Variants in GSDME observed in about 807,000 individuals in gnomAD.
GSDME encodes gasdermin-E.
Under a neutral mutation model 47.5 loss-of-function variants are expected in GSDME, and 44 were observed. That is an observed-to-expected ratio of 0.93 (90% CI 0.73 to 1.19). The LOEUF (loss-of-function observed/expected upper bound fraction) is 1.19, where lower values mean the gene tolerates loss of function less well. GSDME is among the 50% of genes most tolerant of loss of function. GSDME has a pLI of 0.00. For synonymous variants in GSDME, 258 were observed against 252.8 expected (o/e 1.02, Z -0.20); for missense variants, 663 against 604.2 (o/e 1.10, Z -1.02).
chr7:24,727,076 G>C (rs1178443637), intron 3 of GSDME, among the ~76,000 whole-genome samples: 2 of 152,206 alleles, frequency 1.3e-5, no homozygotes, highest in African/African-American at 4.8e-5. Context: ...CTGAGTGTGG[G>C]CTGGAAGACA....
At chr7:24,706,859 G>C (rs1273518596) in intron 7 of GSDME, among the ~76,000 whole-genome samples, 1 of 140,802 alleles carries the variant, frequency 7.1e-6, no homozygotes, top group East Asian at 1.9e-4. Flanking sequence ...CGCCAATTCT[G>C]CACCACCCAC....
rs939176929 is a variant in GSDME, at chr7:24,757,453, G to A, written c.-77C>T. 1 of 151,846 alleles carries A rather than the reference G, an allele frequency of 6.6e-6. No individual in the cohort carries two copies. 9.4% of individuals were successfully genotyped at this position (151,846 alleles called of 1,614,324 possible). A position where few individuals can be genotyped will look rare whatever the true frequency, so the allele number is the denominator to read the frequency against. On this transcript the variant is annotated 5_prime_UTR_variant, in exon 1 of 10. Coordinates refer to ENST00000645220, the MANE Select transcript of GSDME (RefSeq NM_001127453.2). The surrounding 1 kb of genome is among the most constrained non-coding windows in gnomAD (Gnocchi z 5.9). ...CGCCCCCTGCGCTGGCGGAGTCGGA[G>A]GAGCCTGCGCTGGGCCGGCGGGGGG...
chr7:24,719,321 C>G, intron 3 of GSDME, 103 bp from the exon 4 acceptor site: 2 of 1,254,720 alleles, frequency 1.6e-6, no homozygotes, highest in South Asian at 1.2e-5. Context: ...GAGCAGGTGA[C>G]AGCCAGGCTT....
In GSDME at chr7:24,737,522, A is replaced by T. The variant is rs192860743; in HGVS notation, c.404+7040T>A. 5.3e-5 allele frequency among the ~76,000 whole-genome samples: 8 copies of T among 152,234 alleles called. No individual in the cohort carries two copies. The East Asian group carries it at 1.5e-3, about 29-fold the overall frequency. ...CCAAAATAAAGTCTCCCAGAAAAGA[A>T]AAGCCAACAAAAACCTGATGGCTTC... On this transcript the variant is annotated intron_variant, in intron 3 of 9. Transcript: ENST00000645220.
Position 24,725,771 on chromosome 7 carries a change from G to A in GSDME, c.405-6553C>T, listed in dbSNP as rs1789945393. Among the ~76,000 whole-genome samples, 1 of 152,052 alleles carries A rather than the reference G, an allele frequency of 6.6e-6. No homozygotes were observed. Among genetic ancestry groups the A allele is most frequent in the African/African-American group, 2.4e-5 (1 of 41,394 alleles). Reference sequence around the variant, plus strand: ...TTAACGACCAGGCCCAGGGTGTGACGCCGGGCTGTCTGCTTGTGGATTTCA... The same window carrying A: ...TTAACGACCAGGCCCAGGGTGTGACACCGGGCTGTCTGCTTGTGGATTTCA... On this transcript the variant is annotated intron_variant, in intron 3 of 9. Coordinates refer to ENST00000645220, the MANE Select transcript of GSDME (RefSeq NM_001127453.2). The surrounding 1 kb of genome is among the most constrained non-coding windows in gnomAD (Gnocchi z 5.1).
In GSDME at chr7:24,728,793, C is replaced by T. The variant is rs2128057374; in HGVS notation, c.405-9575G>A. Among the ~76,000 whole-genome samples, 1 of 152,354 alleles carries T rather than the reference C, an allele frequency of 6.6e-6. No homozygotes were observed. Among genetic ancestry groups the T allele is most frequent in the South Asian group, 2.1e-4 (1 of 4,828 alleles). The stretch of plus-strand genomic sequence containing the variant: ...CACATCAGAGATGCTCAGCCCACAG[C>T]CGGGGGCAGGAAATCTCTAGAAACC... On this transcript the variant is annotated intron_variant, in intron 3 of 9. Coordinates refer to ENST00000645220, the MANE Select transcript of GSDME (RefSeq NM_001127453.2). The surrounding 1 kb of genome is among the most constrained non-coding windows in gnomAD (Gnocchi z 7.2).
At chr7:24,719,023 G>C (rs764515710) in intron 4 of GSDME, 24 bp downstream of exon 4, 3 of 1,610,866 alleles carry the variant, frequency 1.9e-6, no homozygotes, top group Non-Finnish European at 8.5e-7. Context: ...AGCCATGAAC[G>C]CAGGGCAGCC....
chr7:24,753,800 C>A (rs962450820), intron 1 of GSDME, among the ~76,000 whole-genome samples: 1 of 152,118 alleles, frequency 6.6e-6, no homozygotes, highest in African/African-American at 2.4e-5. Context: ...TCTATTCTTG[C>A]TTTTTTTGGC....
At chr7:24,780,560 C>T in the GSDME span, among the ~76,000 whole-genome samples, 7 of 152,206 alleles carry the variant, frequency 4.6e-5, no homozygotes, top group East Asian at 3.8e-4. This position sits in a 1 kb window ranked among gnomAD's most constrained non-coding sequence, Gnocchi z 4.1. Flanking sequence ...TGGATAGCTT[C>T]GTGGCCTTGC....
chr7:24,740,012 G>A (rs1379889543), intron 3 of GSDME, among the ~76,000 whole-genome samples: 2 of 151,830 alleles, frequency 1.3e-5, no homozygotes, highest in African/African-American at 4.8e-5. Flanking sequence ...AGAACTGCTT[G>A]ACCCTGGGAG....
chr7:24,766,342 A>T, the GSDME span, among the ~76,000 whole-genome samples: 1 of 151,820 alleles, frequency 6.6e-6, no homozygotes, highest in African/African-American at 2.4e-5. This position sits in a 1 kb window ranked among gnomAD's most constrained non-coding sequence, Gnocchi z 4.2. Flanking sequence ...TCTGGGGTAC[A>T]TGTGCAGATG....
At chr7:24,748,168 A>ATAT (rs1483888057) in intron 2 of GSDME, among the ~76,000 whole-genome samples, 20 of 117,496 alleles carry the variant, frequency 1.7e-4, no homozygotes, top group East Asian at 1.4e-3. Context: ...ATATATATAT[A>ATAT]TTTTTTTTTG....
chr7:24,706,487 A>G (rs1789111825), intron 7 of GSDME, 111 bp from the exon 8 acceptor site: 2 of 1,047,242 alleles, frequency 1.9e-6, no homozygotes. Flanking sequence ...TCCCCCGAGG[A>G]AAGTACGACC....
At chr7:24,706,434 G>A (rs1789109037) in intron 7 of GSDME, 58 bp from the exon 8 acceptor site, 2 of 1,553,914 alleles carry the variant, frequency 1.3e-6, no homozygotes. Context: ...CGCCACAGCT[G>A]GGGCCTCCGC....
rs17150022 is a variant in GSDME at position 24,732,158 on chromosome 7, T to C, written c.404+12404A>G. Among the ~76,000 whole-genome samples, 13,879 of 152,310 alleles carry C rather than the reference T, an allele frequency of 0.091. 823 individuals carry two copies. Among genetic ancestry groups the C allele is most frequent in the Admixed American group, 0.15 (2,295 of 15,304 alleles). On this transcript the variant is annotated intron_variant, in intron 3 of 9. Transcript: ENST00000645220. This position sits in a 1 kb window ranked among gnomAD's most constrained non-coding sequence, Gnocchi z 4.8. ...AAGTACACATGGACAGAAGTCTTCA[T>C]TGTTAGGCACAAACTGTTTACTAAA...
At chr7:24,747,669 CA>C (rs1790710050) in intron 2 of GSDME, among the ~76,000 whole-genome samples, 1 of 148,628 alleles carries the variant, frequency 6.7e-6, no homozygotes, top group African/African-American at 2.4e-5. Context: ...ACTTATTAAT[CA>C]TTTTTTTTTT....
chr7:24,768,343 G>T, the GSDME span, among the ~76,000 whole-genome samples: 1 of 152,182 alleles, frequency 6.6e-6, no homozygotes, highest in Non-Finnish European at 1.5e-5. This position sits in a 1 kb window ranked among gnomAD's most constrained non-coding sequence, Gnocchi z 5.6. Context: ...ATAGCATTAA[G>T]GGGAGCCAGG....
rs911842768 is a variant in GSDME at position 24,756,943 on chromosome 7, C to T, written c.-20+453G>A. Reference sequence around the variant, plus strand: ...AACTCCGTATCTGTTCCGCGGTCCGCCTCCCTGCACACACGCCCCCGAGCC... The same window carrying T: ...AACTCCGTATCTGTTCCGCGGTCCGTCTCCCTGCACACACGCCCCCGAGCC... On this transcript the variant is annotated intron_variant, in intron 1 of 9. Transcript: ENST00000645220. This position sits in a 1 kb window ranked among gnomAD's most constrained non-coding sequence, Gnocchi z 4.2. Among the ~76,000 whole-genome samples, 1 of 152,146 alleles carries T rather than the reference C, an allele frequency of 6.6e-6. No homozygotes were observed. Among genetic ancestry groups the T allele is most frequent in the Non-Finnish European group, 1.5e-5 (1 of 68,030 alleles).
chr7:24,710,472 G>C, intron 5 of GSDME, 84 bp from the exon 6 acceptor site: 1 of 1,336,524 alleles, frequency 7.5e-7, no homozygotes, highest in Non-Finnish European at 1.1e-6. Flanking sequence ...GCCCAGCCTT[G>C]ATGGCACATC....
Sources: allele counts gnomAD v4.1 joint callset (sites outside exome capture counted in the v4.1 genomes callset), GRCh38; gene constraint gnomAD v4.1.1; non-coding constraint Gnocchi (gnomAD v3.1); transcripts MANE v1.5; gene names NCBI Gene and HGNC (gene_info 2026-07-23, HGNC 2026-07-21).